YWHAB: variants seen among roughly 807,000 people sequenced by gnomAD.
YWHAB encodes the protein tyrosine 3-monooxygenase/tryptophan 5-monooxygenase activation protein beta, also known as 14-3-3 protein beta/alpha.
A neutral mutation model predicts 28.5 loss-of-function variants in YWHAB; 2 were observed. That is an observed-to-expected ratio of 0.07 (90% CI 0.03 to 0.22). The LOEUF is 0.22. Ranked by LOEUF, YWHAB falls within the 10% of genes least tolerant of loss-of-function variation. YWHAB has a pLI of 1.00. For synonymous variants in YWHAB, 103 were observed against 104.7 expected, an observed-to-expected ratio of 0.98 and a Z score of 0.10; for missense variants, 148 against 297.1, an observed-to-expected ratio of 0.50 and a Z score of 3.69.
In YWHAB at chr20:44,901,740, G is replaced by A. The variant is rs2066628429; in HGVS notation, c.207G>A (p.Gln69=). The A allele has an allele frequency of 2.5e-6, 4 of 1,614,120 alleles. No individual in the cohort carries two copies. Among genetic ancestry groups the A allele is most frequent in the Non-Finnish European group, 3.4e-6 (4 of 1,179,972 alleles). Residue 69 remains glutamine, a synonymous_variant, in exon 2 of 6, where the codon CAG becomes CAA. Coordinates refer to ENST00000353703, the MANE Select transcript of YWHAB (RefSeq NM_139323.4). ...SSWRVISSIE[Q]KTERNEKKQQ... is the part of the protein sequence containing the mutation. The stretch of plus-strand genomic sequence containing the variant: ...GGCGTGTCATCTCCAGCATTGAGCA[G>A]AAAACAGAGAGGAATGAGAAGAAGC...
chr20:44,895,156 G>A (rs992136459), intron 1 of YWHAB, among the ~76,000 whole-genome samples: 2 of 152,198 alleles, frequency 1.3e-5, no homozygotes, highest in Non-Finnish European at 2.9e-5. Context: ...TCAGGGAAGG[G>A]TTTGTAGCCC....
rs748286415 is a variant in YWHAB at position 44,902,003 on chromosome 20, A to G, written c.300+170A>G. The G allele has an allele frequency of 7.4e-4, 492 of 661,672 alleles. 5 individuals carry two copies. Among genetic ancestry groups the G allele is most frequent in the Admixed American group, 2.7e-4 (8 of 29,852 alleles). 41.0% of individuals were successfully genotyped at this position (661,672 alleles called of 1,614,324 possible). On this transcript the variant is annotated intron_variant, in intron 2 of 5. Transcript: ENST00000353703. The stretch of plus-strand genomic sequence containing the variant: ...GCATATGATATAATTTGTGTCACCT[A>G]TTGCCTGATCAGAGGTTGTACATCA...
At chr20:44,887,051 A>T (rs1276924636) in intron 1 of YWHAB, 1 of 152,240 alleles carries the variant, frequency 6.6e-6, no homozygotes, top group Admixed American at 6.5e-5. Flanking sequence ...CCAGACACAG[A>T]TGCAGTTTGT....
At chr20:44,886,912 T>C (rs1486152633) in intron 1 of YWHAB, 1 of 152,204 alleles carries the variant, frequency 6.6e-6, no homozygotes, top group African/African-American at 2.4e-5. Context: ...TTGCCCTGTG[T>C]GGGAGATGGA....
rs1372131336 is a variant in YWHAB, at chr20:44,901,544, A to G, written c.11A>G (p.Asp4Gly). ...CTCTTGTTCTAGGGAATGACAATGG[A>G]TAAAAGTGAGCTGGTACAGAAAGCC... MTMDKSELVQKAKL... is the reference protein window; with the variant it reads MTMGKSELVQKAKL... Residue 4 changes from aspartate (D) to glycine (G), a missense_variant, in exon 2 of 6, where the codon GAT becomes GGT. This residue lies in a region of YWHAB where 110 missense variants were observed against 177.9 expected (regional missense o/e 0.62). Transcript: ENST00000353703. 1.9e-6 allele frequency: 3 copies of G among 1,597,308 alleles called. No homozygotes were observed. The highest frequency in any genetic ancestry group is 2.6e-6 in the Non-Finnish European group (3 of 1,166,632).
At position 44,906,462 on chromosome 20, in the gene YWHAB, T is replaced by C. The variant is rs2066656544; in HGVS notation, c.*24T>C. 6.2e-7 allele frequency: 1 copy of C among 1,602,886 alleles called. No individual in the cohort carries two copies. The highest frequency in any genetic ancestry group is 1.1e-5 in the South Asian group (1 of 90,742). The stretch of plus-strand genomic sequence containing the variant: ...AATGTTTCTCGTGCTTTGTGATCTG[T>C]TCAGTGTCACTCTGTACCCTCAACA... On this transcript the variant is annotated 3_prime_UTR_variant, in exon 6 of 6. Coordinates refer to ENST00000353703, the MANE Select transcript of YWHAB (RefSeq NM_139323.4).
chr20:44,886,592 T>C (rs772900108), intron 1 of YWHAB: 1 of 152,188 alleles, frequency 6.6e-6, no homozygotes, highest in Non-Finnish European at 1.5e-5. Context: ...CTCACAGTAT[T>C]TACCGTCATT....
At chr20:44,896,628 T>C (rs145896667) in intron 1 of YWHAB, among the ~76,000 whole-genome samples, 51 of 152,346 alleles carry the variant, frequency 3.3e-4, no homozygotes, top group African/African-American at 1.0e-3. Flanking sequence ...AGCAGAGTTA[T>C]AGGAAAATGG....
At position 44,906,700 on chromosome 20, in the gene YWHAB, T is replaced by A. The variant is rs1258814815; in HGVS notation, c.*262T>A. ...CAGGATTACTGTGTGTTTAATTTTT[T>A]AAAAACTGAACACTGTGATTATGGG... On this transcript the variant is annotated 3_prime_UTR_variant, in exon 6 of 6. Transcript: ENST00000353703. 13 of 260,414 alleles carry A rather than the reference T, an allele frequency of 5.0e-5. No individual in the cohort carries two copies. The highest frequency in any genetic ancestry group is 4.4e-4 in the Admixed American group (9 of 20,642). 16.1% of individuals were successfully genotyped at this position (260,414 alleles called of 1,614,324 possible).
At chr20:44,893,670 C>G (rs2145527691) in intron 1 of YWHAB, among the ~76,000 whole-genome samples, 1 of 148,812 alleles carries the variant, frequency 6.7e-6, no homozygotes, top group South Asian at 2.1e-4. Context: ...AATCTTGTAC[C>G]ATCTATCTCC....
intron 1 of YWHAB, among the ~76,000 whole-genome samples, chr20:44,889,001 A>G (rs375959024): frequency 5.9e-5 from 9 of 152,370 alleles, no homozygotes; most frequent in Middle Eastern, 3.4e-3. Context: ...TTTCGGTGTC[A>G]ACAAACTGAG....
chr20:44,903,398 T>G (rs934177343), intron 2 of YWHAB: 1 of 153,496 alleles, frequency 6.5e-6, no homozygotes, highest in East Asian at 1.9e-4. Flanking sequence ...ACTTAGTTCT[T>G]GGCAGTTTTG....
chr20:44,904,841 T>A, intron 3 of YWHAB, 127 bp from the exon 4 acceptor site: 1 of 884,716 alleles, frequency 1.1e-6, no homozygotes, highest in Non-Finnish European at 1.6e-6. Flanking sequence ...GCAGAGACAC[T>A]GACACTTCAT....
chr20:44,905,164 G>A (rs1269202003), intron 4 of YWHAB, 33 bp downstream of exon 4: 1 of 1,566,740 alleles, frequency 6.4e-7, no homozygotes, highest in Middle Eastern at 1.7e-4. Flanking sequence ...TCTAACCATA[G>A]CAAAACAGTG....
rs979140585 is a variant in YWHAB at position 44,904,124 on chromosome 20, A to G, written c.424+8A>G. On this transcript the variant is annotated splice_region_variant and intron_variant, in intron 3 of 5. Coordinates refer to ENST00000353703, the MANE Select transcript of YWHAB (RefSeq NM_139323.4). ...CTGGAGACAACAAACAAAGTAAGTA[A>G]TATCTTTAAAAAGAAATTCGACCAG... 4 of 1,611,922 alleles carry G rather than the reference A, an allele frequency of 2.5e-6. No homozygotes were observed. The highest frequency in any genetic ancestry group is 2.5e-6 in the Non-Finnish European group (3 of 1,179,338).
chr20:44,900,273 A>T (rs895554714), intron 1 of YWHAB, among the ~76,000 whole-genome samples: 1 of 152,134 alleles, frequency 6.6e-6, no homozygotes. Flanking sequence ...TTGCCAGGAT[A>T]ATCTTGAACT....
At chr20:44,904,862 A>C in intron 3 of YWHAB, 106 bp from the exon 4 acceptor site, 2 of 1,157,666 alleles carry the variant, frequency 1.7e-6, no homozygotes, top group South Asian at 3.8e-5. Flanking sequence ...TTGATAGGTC[A>C]TTGCTCCTGC....
At chr20:44,898,154 A>G (rs2066606495) in intron 1 of YWHAB, among the ~76,000 whole-genome samples, 1 of 152,152 alleles carries the variant, frequency 6.6e-6, no homozygotes, top group Non-Finnish European at 1.5e-5. Flanking sequence ...AACAAATGGA[A>G]TGTTTCTTGA....
intron 2 of YWHAB, chr20:44,903,441 A>T (rs1053496040): frequency 3.3e-5 from 5 of 152,980 alleles, no homozygotes; most frequent in Admixed American, 2.6e-4. Context: ...CTAAGGAAAG[A>T]TATTTTTTCC....
Sources: allele counts gnomAD v4.1 joint callset (sites outside exome capture counted in the v4.1 genomes callset), GRCh38; gene constraint gnomAD v4.1.1; regional missense constraint gnomAD v4.1.1; transcripts MANE v1.5; gene names NCBI Gene and HGNC (gene_info 2026-07-23, HGNC 2026-07-21).